The following SDK1 variants were observed in gnomAD, a reference collection of about 807,000 sequenced individuals.
SDK1 encodes the protein protein sidekick-1.
A neutral mutation model predicts 245.5 loss-of-function variants in SDK1; 157 were observed. The ratio of observed to expected loss-of-function variants is 0.64; its 90% confidence interval spans 0.56 to 0.73. The LOEUF is 0.73. Ranked by LOEUF, SDK1 falls within the 30% of genes least tolerant of loss-of-function variation. The probability of loss-of-function intolerance (pLI) is 0.00; values close to 1 mark genes in which losing one functional copy is unlikely to be tolerated. For missense variants in SDK1, 3,583 were observed against 3,002.3 expected, an observed-to-expected ratio of 1.19 and a Z score of -4.52; for synonymous variants, 1,647 against 1,278.5, an observed-to-expected ratio of 1.29 and a Z score of -6.15.
At chr7:3,422,863 AATAG>A (rs1364180754) in intron 1 of SDK1, among the ~76,000 whole-genome samples, 1 of 152,212 alleles carries the variant, frequency 6.6e-6, no homozygotes, top group African/African-American at 2.4e-5. Context: ...TAATCATAAA[AATAG>A]ATAGCATTTA....
chr7:3,441,371 A>G (rs1243040396), intron 1 of SDK1, among the ~76,000 whole-genome samples: 2 of 152,120 alleles, frequency 1.3e-5, no homozygotes, highest in African/African-American at 4.8e-5. Flanking sequence ...ACATGTGTGG[A>G]TCCAAAATCT....
chr7:3,719,142 C>G (rs945300795), intron 4 of SDK1, among the ~76,000 whole-genome samples: 1 of 149,288 alleles, frequency 6.7e-6, no homozygotes. Context: ...ATAAATCTAA[C>G]AAGAATAGAA....
intron 4 of SDK1, among the ~76,000 whole-genome samples, chr7:3,743,691 G>A (rs555529210): frequency 1.1e-4 from 16 of 152,248 alleles, no homozygotes; most frequent in African/African-American, 3.4e-4. Context: ...TGTATTAGTC[G>A]TTGTAAGTAG....
At chr7:3,599,207 A>T (rs1184224309) in intron 1 of SDK1, among the ~76,000 whole-genome samples, 5 of 144,732 alleles carry the variant, frequency 3.5e-5, no homozygotes, top group Non-Finnish European at 7.4e-5. Context: ...TTAATTTGCG[A>T]TTCTCTAATC....
intron 34 of SDK1, 114 bp from the exon 35 acceptor site, chr7:4,178,371 C>T (rs575601616): frequency 5.8e-5 from 45 of 770,834 alleles, no homozygotes; most frequent in African/African-American, 3.8e-4. Flanking sequence ...CTAACAATCC[C>T]GCCTCCTCTC....
intron 13 of SDK1, among the ~76,000 whole-genome samples, chr7:3,979,333 TC>T (rs1342749128): frequency 1.3e-5 from 2 of 152,096 alleles, no homozygotes; most frequent in South Asian, 4.2e-4. Context: ...AGAATGCTGT[TC>T]CCCCCTTTCC....
rs138162367 is a variant in SDK1 at position 4,199,334 on chromosome 7, C to T, written c.5099-6545C>T. On this transcript the variant is annotated intron_variant, in intron 35 of 44. Transcript: ENST00000404826. Reference sequence around the variant, plus strand: ...ACACACAGTCCGCAAGCCGCAGAGCCGGTTGGCTCAAGCGTCTTTTAACTT... The same window carrying T: ...ACACACAGTCCGCAAGCCGCAGAGCTGGTTGGCTCAAGCGTCTTTTAACTT... 2.0e-4 allele frequency among the ~76,000 whole-genome samples: 31 copies of T among 152,214 alleles called. 1 individual carries two copies. The East Asian group carries it at 5.0e-3, about 25-fold the overall frequency.
At chr7:3,302,739 C>A (rs1779311696) in intron 1 of SDK1, among the ~76,000 whole-genome samples, 2 of 152,026 alleles carry the variant, frequency 1.3e-5, no homozygotes, top group East Asian at 1.9e-4. Context: ...TTAATACGTC[C>A]TTTGGTAACG....
intron 1 of SDK1, among the ~76,000 whole-genome samples, chr7:3,500,396 C>G (rs1782159657): frequency 6.6e-6 from 1 of 151,788 alleles, no homozygotes; most frequent in East Asian, 1.9e-4. Context: ...TTTTTTCTAC[C>G]CTCTTTCTTA....
At chr7:3,515,718 C>G (rs1020112946) in intron 1 of SDK1, among the ~76,000 whole-genome samples, 7 of 152,090 alleles carry the variant, frequency 4.6e-5, no homozygotes, top group Non-Finnish European at 7.4e-5. Context: ...GTAAATTTTG[C>G]TTTGTACATT....
intron 2 of SDK1, among the ~76,000 whole-genome samples, chr7:3,629,186 A>G (rs1217050655): frequency 2.6e-5 from 4 of 151,592 alleles, no homozygotes; most frequent in African/African-American, 9.7e-5. Context: ...CTGTAGTCCC[A>G]TCTACTCGGG....
At chr7:3,896,134 T>G (rs1781599073) in intron 5 of SDK1, among the ~76,000 whole-genome samples, 1 of 152,200 alleles carries the variant, frequency 6.6e-6, no homozygotes, top group African/African-American at 2.4e-5. Context: ...ACTGATTTTC[T>G]AAGTTTTAAA....
chr7:4,124,022 C>T (rs1041573133), intron 25 of SDK1, among the ~76,000 whole-genome samples: 1 of 152,324 alleles, frequency 6.6e-6, no homozygotes, highest in Non-Finnish European at 1.5e-5. Context: ...GCCACTGACT[C>T]GCGTCCTGAG....
chr7:3,844,191 G>C (rs1010399690), intron 5 of SDK1, among the ~76,000 whole-genome samples: 4 of 152,118 alleles, frequency 2.6e-5, no homozygotes, highest in Non-Finnish European at 4.4e-5. Context: ...GACTGGTCTT[G>C]AGCTCCTGAC....
At chr7:4,130,164 A>G (rs1052803023) in intron 27 of SDK1, 67 bp downstream of exon 27, 8 of 1,425,828 alleles carry the variant, frequency 5.6e-6, no homozygotes, top group Non-Finnish European at 7.6e-6. Context: ...AATGCAAACA[A>G]TTTGGATTGT....
chr7:4,086,846 C>T (rs1003902387), intron 22 of SDK1, among the ~76,000 whole-genome samples: 10 of 152,126 alleles, frequency 6.6e-5, no homozygotes, highest in African/African-American at 2.2e-4. Context: ...AGCTAGTTTT[C>T]AGCCTTTTGC....
intron 1 of SDK1, among the ~76,000 whole-genome samples, chr7:3,434,759 T>G (rs1436753432): frequency 1.3e-5 from 2 of 152,122 alleles, no homozygotes; most frequent in Non-Finnish European, 2.9e-5. Context: ...TATCTGCTTT[T>G]GGGGTTCAGA....
At chr7:4,071,694 G>C (rs1182818827) in intron 20 of SDK1, among the ~76,000 whole-genome samples, 1 of 152,168 alleles carries the variant, frequency 6.6e-6, no homozygotes, top group African/African-American at 2.4e-5. Context: ...CTACCATTCG[G>C]AAGAAGAAGA....
At chr7:4,221,176 C>T (rs923666278) in intron 39 of SDK1, 63 bp from the exon 40 acceptor site, 23 of 1,591,686 alleles carry the variant, frequency 1.4e-5, no homozygotes, top group Admixed American at 8.4e-5. Flanking sequence ...TGAAATCTCA[C>T]GGGGTGGGAT....
Sources: gnomAD v4.1 joint callset for allele counts (sites outside exome capture counted in the v4.1 genomes callset) on GRCh38, gnomAD v4.1.1 for gene constraint, MANE v1.5 for transcripts, NCBI Gene and HGNC (gene_info 2026-07-23, HGNC 2026-07-21) for gene names.